The following SRGAP1 variants were observed in gnomAD, a reference collection of about 807,000 sequenced individuals.
SRGAP1 encodes SLIT-ROBO Rho GTPase activating protein 1, also known as SLIT-ROBO Rho GTPase-activating protein 1.
A neutral mutation model predicts 121.9 loss-of-function variants in SRGAP1; 43 were observed. The ratio of observed to expected loss-of-function variants is 0.35; its 90% CI spans 0.28 to 0.46. SRGAP1 has a LOEUF of 0.46. Among genes scored for constraint, SRGAP1 ranks in the 20% least tolerant of loss-of-function variants. The pLI, the probability that SRGAP1 is intolerant of heterozygous loss-of-function variation, is 1.00. For synonymous variants in SRGAP1, 447 were observed against 485.4 expected (o/e 0.92, Z 1.04); for missense variants, 1,102 against 1,350.9 (o/e 0.82, Z 2.89).
chr12:64,072,920 T>C (rs1302337756), intron 8 of SRGAP1, among the ~76,000 whole-genome samples: 1 of 152,158 alleles, frequency 6.6e-6, no homozygotes, highest in African/African-American at 2.4e-5. Flanking sequence ...GACCCACAGC[T>C]CAGAGTTCAA....
chr12:63,888,011 A>G (rs1212088372), intron 1 of SRGAP1: 1 of 152,250 alleles, frequency 6.6e-6, no homozygotes, highest in African/African-American at 2.4e-5. Context: ...AAAGCTTGTT[A>G]AGATGATCTG....
intron 21 of SRGAP1, among the ~76,000 whole-genome samples, chr12:64,135,589 C>T (rs1304408066): frequency 3.9e-5 from 6 of 152,232 alleles, no homozygotes; most frequent in South Asian, 2.1e-4. Flanking sequence ...CTCTCACGAG[C>T]GATGAATCAG....
intron 15 of SRGAP1, among the ~76,000 whole-genome samples, chr12:64,107,225 G>A (rs950325446): frequency 2.0e-5 from 3 of 152,142 alleles, no homozygotes; most frequent in Non-Finnish European, 4.4e-5. Context: ...GATAATAAGT[G>A]GAAAACAGCT....
intron 1 of SRGAP1, among the ~76,000 whole-genome samples, chr12:63,970,991 C>T (rs2032930552): frequency 6.6e-6 from 1 of 152,136 alleles, no homozygotes; most frequent in African/African-American, 2.4e-5. Context: ...TAATAATTAG[C>T]CCAGCCTCTG....
rs574567751 is a variant in SRGAP1, at chr12:64,161,912, C to T, written c.*19240C>T. 6.6e-6 allele frequency: 1 copy of T among 152,276 alleles called. No homozygotes were observed. Among genetic ancestry groups the T allele is most frequent in the African/African-American group, 2.4e-5 (1 of 41,558 alleles). The allele number at this position is 152,276 out of a possible 1,614,324, so 9.4% of individuals were successfully genotyped here. The stretch of plus-strand genomic sequence containing the variant: ...GATGGGAAAGAACGGAGTACTGATA[C>T]ACGCTACAACATGGGTAAACTGAAA... On this transcript the variant is annotated 3_prime_UTR_variant, in exon 22 of 22. Transcript: ENST00000355086.
At chr12:64,038,375 G>A (rs1467484755) in intron 4 of SRGAP1, among the ~76,000 whole-genome samples, 2 of 151,982 alleles carry the variant, frequency 1.3e-5, no homozygotes, top group Non-Finnish European at 2.9e-5. Flanking sequence ...CATCCATGAC[G>A]ACCTTGTAAA....
chr12:64,093,563 C>A (rs373285370), intron 12 of SRGAP1, among the ~76,000 whole-genome samples: 1 of 151,938 alleles, frequency 6.6e-6, no homozygotes, highest in Non-Finnish European at 1.5e-5. Context: ...ATGAATTGTT[C>A]GTATAGTTTA....
At chr12:63,956,909 C>A (rs1018875587) in intron 1 of SRGAP1, among the ~76,000 whole-genome samples, 1 of 152,086 alleles carries the variant, frequency 6.6e-6, no homozygotes, top group Admixed American at 6.6e-5. Flanking sequence ...TCCATTCTGC[C>A]CTAAGCAACC....
At chr12:64,029,379 C>T (rs2034724361) in intron 4 of SRGAP1, among the ~76,000 whole-genome samples, 1 of 152,178 alleles carries the variant, frequency 6.6e-6, no homozygotes, top group Admixed American at 6.5e-5. Flanking sequence ...GGGATGGGTT[C>T]TTTCTACGAA....
At chr12:63,932,276 G>C (rs1403692159) in intron 1 of SRGAP1, among the ~76,000 whole-genome samples, 1 of 152,124 alleles carries the variant, frequency 6.6e-6, no homozygotes, top group African/African-American at 2.4e-5. Context: ...GCTAGACTCT[G>C]TCTCAAAAAA....
chr12:64,115,155 G>A (rs1434702673), intron 17 of SRGAP1, among the ~76,000 whole-genome samples: 5 of 152,120 alleles, frequency 3.3e-5, no homozygotes, highest in Non-Finnish European at 5.9e-5. Flanking sequence ...ATGTAGTAAA[G>A]GAATAGCAAA....
intron 8 of SRGAP1, among the ~76,000 whole-genome samples, chr12:64,077,047 A>G (rs183969498): frequency 6.6e-6 from 1 of 152,338 alleles, no homozygotes; most frequent in African/African-American, 2.4e-5. Flanking sequence ...CAGTCCAAGA[A>G]ATTCCAGGCA....
chr12:63,929,228 T>C (rs1466428760), intron 1 of SRGAP1, among the ~76,000 whole-genome samples: 1 of 152,210 alleles, frequency 6.6e-6, no homozygotes, highest in East Asian at 1.9e-4. Flanking sequence ...CAAATGCAAA[T>C]CCTGGTTCTA....
At chr12:63,918,928 G>A (rs555019690) in intron 1 of SRGAP1, among the ~76,000 whole-genome samples, 1 of 152,336 alleles carries the variant, frequency 6.6e-6, no homozygotes, top group Non-Finnish European at 1.5e-5. Context: ...GTGTGAGTCA[G>A]TGTGTATGTA....
chr12:63,897,588 A>G (rs1900796306), intron 1 of SRGAP1, among the ~76,000 whole-genome samples: 1 of 152,218 alleles, frequency 6.6e-6, no homozygotes, highest in Non-Finnish European at 1.5e-5. Flanking sequence ...ACATGCTCTC[A>G]AGAATTCTTT....
intron 1 of SRGAP1, among the ~76,000 whole-genome samples, chr12:63,868,740 C>G (rs1327476965): frequency 6.6e-6 from 1 of 152,180 alleles, no homozygotes; most frequent in East Asian, 1.9e-4. Context: ...GGAGACCACT[C>G]TCATCATAAG....
intron 4 of SRGAP1, among the ~76,000 whole-genome samples, chr12:64,022,637 A>G (rs1465895239): frequency 3.9e-5 from 6 of 152,196 alleles, no homozygotes; most frequent in Non-Finnish European, 8.8e-5. Flanking sequence ...GCACAAGGAT[A>G]TAATGGGGAA....
At position 64,027,134 on chromosome 12, in the gene SRGAP1, C is replaced by T. The variant is rs188794561; in HGVS notation, c.489+10122C>T. On this transcript the variant is annotated intron_variant, in intron 4 of 21. Coordinates refer to ENST00000355086, the MANE Select transcript of SRGAP1 (RefSeq NM_020762.4). ...AAGTTAGGACATAATAACAGCTAACCTTTGTGCCAGACACTATTCTAAGCA... is the reference window on the plus strand; with the variant it reads ...AAGTTAGGACATAATAACAGCTAACTTTTGTGCCAGACACTATTCTAAGCA... 5.0e-3 allele frequency among the ~76,000 whole-genome samples: 766 copies of T among 152,224 alleles called. 3 individuals carry two copies. The highest frequency in any genetic ancestry group is 7.8e-3 in the Non-Finnish European group (530 of 68,032).
At chr12:63,923,932 A>T (rs1198865306) in intron 1 of SRGAP1, among the ~76,000 whole-genome samples, 1 of 152,232 alleles carries the variant, frequency 6.6e-6, no homozygotes, top group African/African-American at 2.4e-5. Flanking sequence ...ACCTGAGGTC[A>T]GGAGTTCGAG....
Sources: allele counts gnomAD v4.1 joint callset (sites outside exome capture counted in the v4.1 genomes callset), GRCh38; gene constraint gnomAD v4.1.1; transcripts MANE v1.5; gene names NCBI Gene and HGNC (gene_info 2026-07-23, HGNC 2026-07-21).